The following XKR6 variants were observed in gnomAD, a reference collection of about 807,000 sequenced individuals.
XKR6 encodes the protein XK related 6.
Under a neutral mutation model 56.7 loss-of-function variants are expected in XKR6, and 22 were observed. The observed-to-expected ratio is 0.39, with a 90% CI of 0.28 to 0.55. The LOEUF (loss-of-function observed/expected upper bound fraction) is 0.55, where lower values mean the gene tolerates loss of function less well. Among genes scored for constraint, XKR6 ranks in the 20% least tolerant of loss-of-function variants. The probability of loss-of-function intolerance (pLI) is 0.66; values close to 1 mark genes in which losing one functional copy is unlikely to be tolerated. For synonymous variants in XKR6, 524 were observed against 387.8 expected, an observed-to-expected ratio of 1.35 and a Z score of -4.13; for missense variants, 852 against 889.0, an observed-to-expected ratio of 0.96 and a Z score of 0.53.
intron 1 of XKR6, chr8:11,104,815 G>C (rs1586550337): frequency 6.6e-6 from 1 of 152,204 alleles, no homozygotes; most frequent in African/African-American, 2.4e-5. Flanking sequence ...AAAGTGATCA[G>C]CAAGGTAGTG....
At chr8:11,108,042 A>G (rs1798746905) in intron 1 of XKR6, 1 of 326,120 alleles carries the variant, frequency 3.1e-6, no homozygotes, top group Non-Finnish European at 5.9e-6. Flanking sequence ...GCGAGGCTGT[A>G]TTTTGTAGGA....
intron 1 of XKR6, among the ~76,000 whole-genome samples, chr8:11,103,890 A>G (rs567494777): frequency 2.1e-4 from 32 of 152,386 alleles, no homozygotes; most frequent in African/African-American, 7.2e-4. Flanking sequence ...TCAATTCAAA[A>G]TTTTAATGGC....
intron 1 of XKR6, chr8:11,123,836 A>G (rs751695777): frequency 2.2e-6 from 1 of 456,144 alleles, no homozygotes; most frequent in Non-Finnish European, 4.4e-6. Flanking sequence ...ACACCAAGGC[A>G]GTTCCAGTGT....
intron 1 of XKR6, among the ~76,000 whole-genome samples, chr8:11,126,596 A>AT (rs2073371460): frequency 6.6e-6 from 1 of 152,174 alleles, no homozygotes. Flanking sequence ...AAAACACCTT[A>AT]TATCTCACAA....
chr8:11,013,459 C>A (rs1046262467), intron 1 of XKR6, among the ~76,000 whole-genome samples: 1 of 152,208 alleles, frequency 6.6e-6, no homozygotes, highest in African/African-American at 2.4e-5. Flanking sequence ...TAGGTTTCCC[C>A]AGCTGCCTCT....
chr8:10,908,025 A>C (rs1800231796), intron 2 of XKR6, among the ~76,000 whole-genome samples: 1 of 152,210 alleles, frequency 6.6e-6, no homozygotes, highest in South Asian at 2.1e-4. Flanking sequence ...TGCCTGGTGG[A>C]CCATCAAGAG....
intron 1 of XKR6, among the ~76,000 whole-genome samples, chr8:11,185,928 T>C (rs1803249174): frequency 6.6e-6 from 1 of 152,246 alleles, no homozygotes; most frequent in African/African-American, 2.4e-5. Flanking sequence ...AGTTACCTGT[T>C]TGAGCTGATC....
At chr8:11,192,436 C>G (rs1659612601) in intron 1 of XKR6, among the ~76,000 whole-genome samples, 1 of 152,158 alleles carries the variant, frequency 6.6e-6, no homozygotes, top group Non-Finnish European at 1.5e-5. Context: ...ACGTGAGCCA[C>G]AGCGCCTGGC....
At chr8:11,125,452 G>T (rs1799728175) in intron 1 of XKR6, among the ~76,000 whole-genome samples, 1 of 152,148 alleles carries the variant, frequency 6.6e-6, no homozygotes, top group Admixed American at 6.5e-5. Context: ...TTGAGTATGA[G>T]ATTAATTACC....
At chr8:10,958,366 T>G (rs1017970146) in intron 1 of XKR6, among the ~76,000 whole-genome samples, 1 of 152,220 alleles carries the variant, frequency 6.6e-6, no homozygotes, top group African/African-American at 2.4e-5. Flanking sequence ...GATTAGAATG[T>G]TCATCTTCGT....
chr8:11,133,236 T>C (rs548877678), intron 1 of XKR6, among the ~76,000 whole-genome samples: 154 of 152,274 alleles, frequency 1.0e-3, no homozygotes, highest in African/African-American at 2.8e-3. Context: ...GCTCTGTTTG[T>C]AACCAGCTAG....
intron 1 of XKR6, among the ~76,000 whole-genome samples, chr8:10,949,031 C>G (rs1801635462): frequency 6.6e-6 from 1 of 152,206 alleles, no homozygotes; most frequent in Admixed American, 6.5e-5. Context: ...GGCCACATCT[C>G]CACTGAGTGA....
intron 1 of XKR6, among the ~76,000 whole-genome samples, chr8:11,182,783 T>G (rs1309085994): frequency 2.0e-5 from 3 of 152,348 alleles, no homozygotes; most frequent in African/African-American, 7.2e-5. Context: ...TCAGTGGCAT[T>G]AAATACATTC....
chr8:11,080,446 G>T (rs1052080873), intron 1 of XKR6, among the ~76,000 whole-genome samples: 6 of 152,124 alleles, frequency 3.9e-5, no homozygotes, highest in Non-Finnish European at 8.8e-5. Flanking sequence ...CTGATTATTG[G>T]GCTCATTGTA....
At chr8:10,970,469 G>T (rs1161087800) in intron 1 of XKR6, among the ~76,000 whole-genome samples, 3 of 152,052 alleles carry the variant, frequency 2.0e-5, no homozygotes, top group East Asian at 3.9e-4. Context: ...AAGACACAAG[G>T]TCTCAATAAC....
chr8:10,948,761 C>T (rs1801627092), intron 1 of XKR6, among the ~76,000 whole-genome samples: 2 of 152,210 alleles, frequency 1.3e-5, no homozygotes, highest in Admixed American at 1.3e-4. Context: ...GCTTATCAAG[C>T]CCTCCTTGTA....
intron 1 of XKR6, among the ~76,000 whole-genome samples, chr8:11,025,173 C>A (rs778582377): frequency 1.3e-5 from 2 of 152,234 alleles, no homozygotes; most frequent in Non-Finnish European, 2.9e-5. Flanking sequence ...CCAGACACTT[C>A]TGTTCCTGCC....
At chr8:11,102,503 G>C (rs957996868) in intron 1 of XKR6, among the ~76,000 whole-genome samples, 3 of 152,132 alleles carry the variant, frequency 2.0e-5, no homozygotes, top group South Asian at 2.1e-4. Context: ...TTCTGAAAAA[G>C]GTGGGGACAG....
intron 1 of XKR6, among the ~76,000 whole-genome samples, chr8:11,085,308 G>C (rs1797849849): frequency 6.6e-6 from 1 of 152,160 alleles, no homozygotes; most frequent in Admixed American, 6.5e-5. Flanking sequence ...TCACTCACAG[G>C]GTCCTTGGAG....
Sources: allele counts gnomAD v4.1 joint callset (sites outside exome capture counted in the v4.1 genomes callset), GRCh38; gene constraint gnomAD v4.1.1; transcripts MANE v1.5; gene names NCBI Gene and HGNC (gene_info 2026-07-23, HGNC 2026-07-21).